GAB1: variants seen among roughly 807,000 people sequenced by gnomAD.
GAB1 encodes GRB2-associated-binding protein 1.
A neutral mutation model predicts 66.5 loss-of-function variants in GAB1; 19 were observed. That is an observed-to-expected ratio of 0.29 (90% CI 0.20 to 0.42). The LOEUF is 0.42. GAB1 is among the 10% of genes least tolerant of loss of function. The probability of loss-of-function intolerance (pLI) is 1.00; values close to 1 mark genes in which losing one functional copy is unlikely to be tolerated. For missense variants in GAB1, 732 were observed against 858.5 expected (o/e 0.85, Z 1.84); for synonymous variants, 294 against 301.4 (o/e 0.98, Z 0.25).
intron 1 of GAB1, among the ~76,000 whole-genome samples, chr4:143,347,986 CCA>C (rs1729044246): frequency 6.6e-6 from 1 of 152,198 alleles, no homozygotes; most frequent in African/African-American, 2.4e-5. Context: ...TATTTAAACA[CCA>C]GTCTCTGATG....
At chr4:143,348,221 C>G (rs961051181) in intron 1 of GAB1, among the ~76,000 whole-genome samples, 4 of 152,224 alleles carry the variant, frequency 2.6e-5, no homozygotes, top group African/African-American at 9.6e-5. Flanking sequence ...CTCTTAACAC[C>G]TAGTTAAATG....
chr4:143,410,874 A>C (rs1732347380), intron 1 of GAB1, among the ~76,000 whole-genome samples: 1 of 152,176 alleles, frequency 6.6e-6, no homozygotes, highest in African/African-American at 2.4e-5. Flanking sequence ...GGCGCTAGGC[A>C]ATGGGAAAGG....
intron 8 of GAB1, among the ~76,000 whole-genome samples, chr4:143,465,286 T>C (rs992675712): frequency 4.6e-5 from 7 of 152,200 alleles, no homozygotes; most frequent in Admixed American, 6.5e-5. Context: ...CTCAAGTTTT[T>C]TGTTCCTGCT....
chr4:143,349,979 A>G, intron 1 of GAB1: 1 of 1,586,310 alleles, frequency 6.3e-7, no homozygotes, highest in Non-Finnish European at 8.6e-7. Context: ...ACGGGCATCC[A>G]CTCCTTATCC....
At position 143,474,323 on chromosome 4, in the gene GAB1, A is replaced by G. The variant is rs1017322955; in HGVS notation, c.*5134A>G. ...TTTTGTGTTCCATGAGGTGCTTGGA[A>G]CATTTGGAGTGCTCTGTGCGAGGGA... On this transcript the variant is annotated 3_prime_UTR_variant, in exon 10 of 10. Coordinates refer to ENST00000262994, the MANE Select transcript of GAB1 (RefSeq NM_002039.4). 6.6e-6 allele frequency: 1 copy of G among 152,082 alleles called. No homozygotes were observed. Among genetic ancestry groups the G allele is most frequent in the Admixed American group, 6.6e-5 (1 of 15,240 alleles). The allele number at this position is 152,082 out of a possible 1,614,324, so 9.4% of individuals were successfully genotyped here. A position where few individuals can be genotyped will look rare whatever the true frequency, so the allele number is the denominator to read the frequency against.
chr4:143,369,799 T>C (rs528376451), intron 1 of GAB1, among the ~76,000 whole-genome samples: 1 of 152,354 alleles, frequency 6.6e-6, no homozygotes, highest in African/African-American at 2.4e-5. Flanking sequence ...TGCTGAGACA[T>C]GAGACTCATA....
rs1168276155 is a variant in GAB1 at position 143,472,039 on chromosome 4, C to A, written c.*2850C>A. ...GAGTTCTTTACCTTAATTCCTTATT[C>A]TGAAAAATTGTAAGATTTTATGAAG... On this transcript the variant is annotated 3_prime_UTR_variant, in exon 10 of 10. Coordinates refer to ENST00000262994, the MANE Select transcript of GAB1 (RefSeq NM_002039.4). The A allele has an allele frequency of 2.6e-5, 4 of 152,078 alleles. No homozygotes were observed. The highest frequency in any genetic ancestry group is 9.7e-5 in the African/African-American group (4 of 41,422). 9.4% of individuals were successfully genotyped at this position (152,078 alleles called of 1,614,324 possible). A position where few individuals can be genotyped will look rare whatever the true frequency, so the allele number is the denominator to read the frequency against.
chr4:143,383,666 A>C (rs966826827), intron 1 of GAB1, among the ~76,000 whole-genome samples: 1 of 152,198 alleles, frequency 6.6e-6, no homozygotes, highest in Non-Finnish European at 1.5e-5. Context: ...CTTTTTTAAC[A>C]TAACAATATA....
At chr4:143,387,508 T>G (rs3792653) in intron 1 of GAB1, among the ~76,000 whole-genome samples, 1 of 151,994 alleles carries the variant, frequency 6.6e-6, no homozygotes, top group African/African-American at 2.4e-5. Flanking sequence ...GGTAAAGGGA[T>G]GAAGGCACAG....
intron 2 of GAB1, among the ~76,000 whole-genome samples, chr4:143,423,470 T>C (rs112354577): frequency 6.6e-6 from 1 of 151,692 alleles, no homozygotes; most frequent in South Asian, 2.1e-4. Flanking sequence ...GGCTGAGGCA[T>C]GTGGATGATG....
At chr4:143,414,788 A>T (rs1025093300) in intron 1 of GAB1, among the ~76,000 whole-genome samples, 1 of 152,226 alleles carries the variant, frequency 6.6e-6, no homozygotes, top group African/African-American at 2.4e-5. Context: ...TTGCTTTTTT[A>T]AAAATTGTGG....
chr4:143,465,938 A>C (rs1735756572), intron 8 of GAB1, 165 bp from the exon 9 acceptor site: 1 of 635,402 alleles, frequency 1.6e-6, no homozygotes, highest in Middle Eastern at 4.2e-4. Flanking sequence ...GGCTTTAATC[A>C]GTTTTTTAAA....
intron 1 of GAB1, among the ~76,000 whole-genome samples, chr4:143,369,013 C>T (rs756150494): frequency 6.6e-6 from 1 of 151,904 alleles, no homozygotes; most frequent in Non-Finnish European, 1.5e-5. Context: ...GATCTCAGCT[C>T]ATTGCAACCT....
At chr4:143,444,010 A>G (rs1734377136) in intron 6 of GAB1, among the ~76,000 whole-genome samples, 1 of 152,174 alleles carries the variant, frequency 6.6e-6, no homozygotes, top group South Asian at 2.1e-4. Context: ...TTTTGTGTGT[A>G]TTAAGAGAAA....
chr4:143,440,300 A>G lies in GAB1; in HGVS notation c.1503A>G (p.Pro501=). The G allele has an allele frequency of 6.2e-7, 1 of 1,614,074 alleles. No individual in the cohort carries two copies. Among genetic ancestry groups the G allele is most frequent in the Non-Finnish European group, 8.5e-7 (1 of 1,179,960 alleles). Residue 501 remains proline (P), a synonymous_variant, in exon 6 of 10, where the codon CCA becomes CCG. Coordinates refer to ENST00000262994, the MANE Select transcript of GAB1 (RefSeq NM_002039.4). ...CTCATATGGGCTTCAGGTCCAGCCCAAAAACCCCTCCCAGAAGGCCAGTTC... is the reference window on the plus strand; with the variant it reads ...CTCATATGGGCTTCAGGTCCAGCCCGAAAACCCCTCCCAGAAGGCCAGTTC... ...PPAHMGFRSS[P]KTPPRRPVPV...
intron 1 of GAB1, among the ~76,000 whole-genome samples, chr4:143,373,074 C>CACACACACACACAT: frequency 6.8e-6 from 1 of 146,480 alleles, no homozygotes; most frequent in Middle Eastern, 3.5e-3. Context: ...CACACACACA[C>CACACACACACACAT]ACACATCTGT....
chr4:143,423,182 C>T (rs1733111522), intron 2 of GAB1, among the ~76,000 whole-genome samples: 1 of 152,188 alleles, frequency 6.6e-6, no homozygotes, highest in Non-Finnish European at 1.5e-5. Context: ...AGTACATAGT[C>T]AAATTAACAT....
At chr4:143,408,344 T>C (rs1176621122) in intron 1 of GAB1, among the ~76,000 whole-genome samples, 1 of 152,170 alleles carries the variant, frequency 6.6e-6, no homozygotes, top group African/African-American at 2.4e-5. Context: ...ATGTAAAATA[T>C]GAGACTCATC....
At chr4:143,462,941 C>T (rs926190047) in intron 8 of GAB1, among the ~76,000 whole-genome samples, 20 of 152,070 alleles carry the variant, frequency 1.3e-4, no homozygotes, top group Non-Finnish European at 7.4e-5. Context: ...GGATTACAGG[C>T]GTGAGCCACT....
Sources: gnomAD v4.1 joint callset for allele counts (sites outside exome capture counted in the v4.1 genomes callset) on GRCh38, gnomAD v4.1.1 for gene constraint, MANE v1.5 for transcripts, NCBI Gene and HGNC (gene_info 2026-07-23, HGNC 2026-07-21) for gene names.